EXTL3: variants seen among roughly 807,000 people sequenced by gnomAD.
The protein encoded by EXTL3 is exostosin-like 3.
Under a neutral mutation model 69.3 loss-of-function variants are expected in EXTL3, and 27 were observed. That is an observed-to-expected ratio of 0.39 (90% confidence interval 0.29 to 0.54). The LOEUF is 0.54. Among genes scored for constraint, EXTL3 ranks in the 20% least tolerant of loss-of-function variants. The pLI is 0.69. For synonymous variants in EXTL3, 511 were observed against 499.4 expected (o/e 1.02, Z -0.31); for missense variants, 1,003 against 1,231.8 (o/e 0.81, Z 2.78).
chr8:28,634,617 A>T (rs183873292), intron 1 of EXTL3, among the ~76,000 whole-genome samples: 37 of 139,602 alleles, frequency 2.7e-4, no homozygotes, highest in East Asian at 2.5e-3. Context: ...TTTTTTTGAG[A>T]TGGAGTCTCA....
chr8:28,647,629 C>G (rs1293595069), intron 1 of EXTL3, among the ~76,000 whole-genome samples: 5 of 152,116 alleles, frequency 3.3e-5, no homozygotes, highest in Admixed American at 3.3e-4. Context: ...CGTTGGGAGT[C>G]TCGCTTTCAG....
chr8:28,691,784 C>G (rs948635149), intron 1 of EXTL3, among the ~76,000 whole-genome samples: 4 of 152,014 alleles, frequency 2.6e-5, no homozygotes, highest in Non-Finnish European at 5.9e-5. Context: ...GTAATCCCAG[C>G]TACTCGGGAG....
At chr8:28,729,528 A>G (rs1360427453) in intron 3 of EXTL3, among the ~76,000 whole-genome samples, 1 of 134,174 alleles carries the variant, frequency 7.5e-6, no homozygotes, top group African/African-American at 2.8e-5. Context: ...CTCAGAGGGC[A>G]GAGGCTGCAG....
chr8:28,627,171 G>C (rs1372500829), intron 1 of EXTL3, among the ~76,000 whole-genome samples: 1 of 149,954 alleles, frequency 6.7e-6, no homozygotes, highest in South Asian at 2.1e-4. Context: ...CTGGGCGACA[G>C]AGCGAGACTC....
At chr8:28,627,211 A>T (rs891015355) in intron 1 of EXTL3, among the ~76,000 whole-genome samples, 4 of 150,618 alleles carry the variant, frequency 2.7e-5, no homozygotes, top group African/African-American at 4.9e-5. Flanking sequence ...TAAAAAAAAT[A>T]AAAAAAATTC....
chr8:28,677,143 T>C (rs888805997), intron 1 of EXTL3, among the ~76,000 whole-genome samples: 4 of 151,940 alleles, frequency 2.6e-5, no homozygotes, highest in African/African-American at 9.7e-5. Flanking sequence ...GGATAATTAA[T>C]GAAGGAAATG....
chr8:28,709,449 A>G (rs927879151), intron 1 of EXTL3, among the ~76,000 whole-genome samples: 13 of 152,138 alleles, frequency 8.5e-5, no homozygotes, highest in Non-Finnish European at 7.3e-5. Flanking sequence ...TTCCACGTGG[A>G]AGGCATAACA....
At chr8:28,672,121 A>G (rs539239521) in intron 1 of EXTL3, among the ~76,000 whole-genome samples, 144 of 152,252 alleles carry the variant, frequency 9.5e-4, no homozygotes, top group Admixed American at 3.8e-3. Context: ...TTTCCTTAGA[A>G]TATGGTTTTC....
At chr8:28,692,791 C>CT (rs1235246947) in intron 1 of EXTL3, among the ~76,000 whole-genome samples, 2 of 151,982 alleles carry the variant, frequency 1.3e-5, no homozygotes, top group African/African-American at 2.4e-5. Flanking sequence ...CTATGAATAA[C>CT]TTTTTTTTGG....
At chr8:28,737,479 C>T (rs371812947) in intron 4 of EXTL3, 40 bp from the exon 5 acceptor site, 4 of 1,612,878 alleles carry the variant, frequency 2.5e-6, no homozygotes, top group African/African-American at 2.7e-5. Flanking sequence ...GACCCTAGAG[C>T]TCTGTATTCA....
intron 5 of EXTL3, among the ~76,000 whole-genome samples, chr8:28,739,314 A>G (rs1397871861): frequency 6.6e-6 from 1 of 151,942 alleles, no homozygotes; most frequent in Non-Finnish European, 1.5e-5. Flanking sequence ...AGAACAATAA[A>G]ATTCATTTTT....
chr8:28,649,893 CA>C (rs1233598353), intron 1 of EXTL3, among the ~76,000 whole-genome samples: 2 of 151,712 alleles, frequency 1.3e-5, no homozygotes, highest in Non-Finnish European at 2.9e-5. Context: ...TAAGGTAATC[CA>C]AAATATAGAT....
chr8:28,652,249 C>T (rs1394631303), intron 1 of EXTL3, among the ~76,000 whole-genome samples: 1 of 152,098 alleles, frequency 6.6e-6, no homozygotes, highest in Admixed American at 6.5e-5. Context: ...TGTTTAACTT[C>T]TTGAGGAACT....
intron 6 of EXTL3, among the ~76,000 whole-genome samples, chr8:28,748,165 G>A (rs1342526273): frequency 1.3e-5 from 2 of 152,178 alleles, no homozygotes; most frequent in Non-Finnish European, 2.9e-5. Context: ...GAGGTCAGGA[G>A]ATCGAGACCA....
chr8:28,671,083 C>T (rs1391521739), intron 1 of EXTL3, among the ~76,000 whole-genome samples: 8 of 151,334 alleles, frequency 5.3e-5, no homozygotes, highest in African/African-American at 1.5e-4. Context: ...CGGGTTGAAG[C>T]GATTCTCCTG....
intron 1 of EXTL3, chr8:28,710,301 T>C (rs1469928299): frequency 6.1e-6 from 2 of 326,326 alleles, no homozygotes; most frequent in Non-Finnish European, 1.2e-5. Context: ...GCGAAGCTCA[T>C]TGGCAAGCTC....
At chr8:28,671,702 T>C (rs780650900) in intron 1 of EXTL3, among the ~76,000 whole-genome samples, 3 of 152,176 alleles carry the variant, frequency 2.0e-5, no homozygotes, top group Non-Finnish European at 4.4e-5. Flanking sequence ...ACTCACCCCA[T>C]GTTAATGCAT....
At chr8:28,660,093 C>T (rs542665532) in intron 1 of EXTL3, among the ~76,000 whole-genome samples, 10 of 152,250 alleles carry the variant, frequency 6.6e-5, no homozygotes, top group Non-Finnish European at 1.3e-4. Context: ...CCGGGTACAG[C>T]GGCTCATGCC....
intron 5 of EXTL3, chr8:28,741,593 G>A (rs1021991508): frequency 3.9e-5 from 6 of 152,106 alleles, no homozygotes; most frequent in Admixed American, 2.0e-4. Flanking sequence ...AGGCAGTACA[G>A]GCACATGCCA....
Sources: gnomAD v4.1 joint callset for allele counts (sites outside exome capture counted in the v4.1 genomes callset) on GRCh38, gnomAD v4.1.1 for gene constraint, MANE v1.5 for transcripts, NCBI Gene and HGNC (gene_info 2026-07-23, HGNC 2026-07-21) for gene names.